ANKS1B: variants seen among roughly 807,000 people sequenced by gnomAD.
ANKS1B encodes the protein ankyrin repeat and sterile alpha motif domain-containing protein 1B.
ANKS1B carries 36 observed loss-of-function variants against 148.3 expected under a neutral mutation model. The observed-to-expected ratio is 0.24, with a 90% CI of 0.19 to 0.32. The LOEUF is 0.32. Among genes scored for constraint, ANKS1B ranks in the 10% least tolerant of loss-of-function variants. The probability of loss-of-function intolerance (pLI) is 1.00; values close to 1 mark genes in which losing one functional copy is unlikely to be tolerated. For missense variants in ANKS1B, 1,157 were observed against 1,542.6 expected, an observed-to-expected ratio of 0.75 and a Z score of 4.19; for synonymous variants, 542 against 560.8, an observed-to-expected ratio of 0.97 and a Z score of 0.47.
At chr12:99,502,029 CA>C (rs1009069997) in intron 10 of ANKS1B, among the ~76,000 whole-genome samples, 1 of 152,030 alleles carries the variant, frequency 6.6e-6, no homozygotes, top group Non-Finnish European at 1.5e-5. Flanking sequence ...ATGTCATTTT[CA>C]TCCTTGTATC....
intron 9 of ANKS1B, among the ~76,000 whole-genome samples, chr12:99,623,983 T>G (rs2098084632): frequency 6.6e-6 from 1 of 152,042 alleles, no homozygotes; most frequent in Non-Finnish European, 1.5e-5. Flanking sequence ...GTTGGATACA[T>G]CTTATTACCC....
intron 9 of ANKS1B, among the ~76,000 whole-genome samples, chr12:99,557,381 G>A (rs892102340): frequency 6.6e-6 from 1 of 151,634 alleles, no homozygotes; most frequent in Non-Finnish European, 1.5e-5. Context: ...CTTTATTTTT[G>A]TTTGAATTAG....
At chr12:98,740,007 T>G (rs2097790194), downstream of ANKS1B, among the ~76,000 whole-genome samples, 1 of 152,148 alleles carries the variant, frequency 6.6e-6, no homozygotes, top group Non-Finnish European at 1.5e-5. Context: ...TGCTTTCTTT[T>G]GAACTATCCC....
chr12:99,704,984 C>T (rs563032248), intron 8 of ANKS1B, among the ~76,000 whole-genome samples: 3 of 152,092 alleles, frequency 2.0e-5, no homozygotes, highest in African/African-American at 7.2e-5. Flanking sequence ...AAAGTAGTTA[C>T]ATGACAAATG....
chr12:99,236,923 G>A (rs1044223884), intron 14 of ANKS1B, among the ~76,000 whole-genome samples: 1 of 152,040 alleles, frequency 6.6e-6, no homozygotes. Flanking sequence ...CACACAGAGG[G>A]GAACAACACA....
intron 14 of ANKS1B, among the ~76,000 whole-genome samples, chr12:99,225,857 G>A (rs2153944009): frequency 6.6e-6 from 1 of 152,292 alleles, no homozygotes; most frequent in African/African-American, 2.4e-5. Context: ...ACAGCATATT[G>A]TGGGACTTCA....
intron 17 of ANKS1B, among the ~76,000 whole-genome samples, chr12:98,941,898 G>T (rs1232425006): frequency 2.6e-5 from 4 of 152,182 alleles, no homozygotes; most frequent in Non-Finnish European, 2.9e-5. Context: ...AACGTAAACA[G>T]CCAAAACTGT....
rs1565925984 is a variant in ANKS1B at position 98,744,147 on chromosome 12, G to GTGTT, written c.*1588_*1591dup. 9 of 985,538 alleles carry GTGTT rather than the reference G, an allele frequency of 9.1e-6. No individual in the cohort carries two copies. The South Asian group carries it at 3.3e-4, about 36-fold the overall frequency. 61.0% of individuals were successfully genotyped at this position (985,538 alleles called of 1,614,324 possible). On this transcript the variant is annotated 3_prime_UTR_variant, in exon 27 of 27. Coordinates refer to ENST00000683438, the MANE Select transcript of ANKS1B (RefSeq NM_001352186.2). ...AATTGCCTCCTGGTACCATATTTTAGTGTTATTTAACTCTCATTTTGCTAC... is the reference window on the plus strand; with the variant it reads ...AATTGCCTCCTGGTACCATATTTTAGTGTTTGTTATTTAACTCTCATTTTGCTAC...
At chr12:99,201,435 T>C (rs2082057142) in intron 14 of ANKS1B, among the ~76,000 whole-genome samples, 1 of 152,162 alleles carries the variant, frequency 6.6e-6, no homozygotes, top group African/African-American at 2.4e-5. Flanking sequence ...CTAAGGAACA[T>C]ACTGTGTTAT....
intron 1 of ANKS1B, among the ~76,000 whole-genome samples, chr12:99,928,266 A>ATTTTT (rs1355468782): frequency 3.7e-5 from 3 of 81,094 alleles, no homozygotes; most frequent in Admixed American, 1.0e-4. Flanking sequence ...ATTTTATTTT[A>ATTTTT]TTTTATTTTT....
intron 17 of ANKS1B, among the ~76,000 whole-genome samples, chr12:99,026,293 G>A (rs901673941): frequency 6.6e-6 from 1 of 152,152 alleles, no homozygotes; most frequent in African/African-American, 2.4e-5. Context: ...CTGAACAGAG[G>A]CTGAGAAGAC....
intron 1 of ANKS1B, among the ~76,000 whole-genome samples, chr12:99,949,465 C>A (rs2095157571): frequency 6.6e-6 from 1 of 152,032 alleles, no homozygotes; most frequent in South Asian, 2.1e-4. Flanking sequence ...AGATTGGATG[C>A]ACATTCTGGA....
intron 14 of ANKS1B, among the ~76,000 whole-genome samples, chr12:99,218,122 G>A (rs2084518554): frequency 1.3e-5 from 2 of 152,040 alleles, no homozygotes; most frequent in Non-Finnish European, 2.9e-5. Context: ...ATTAACACCA[G>A]GATGCTAATA....
At chr12:99,088,936 CCTGTGTTCCAGTGATT>C (rs2053043110) in intron 15 of ANKS1B, among the ~76,000 whole-genome samples, 1 of 131,712 alleles carries the variant, frequency 7.6e-6, no homozygotes, top group African/African-American at 2.8e-5. Flanking sequence ...ACCTCTGTCT[CCTGTGTTCCAGTGATT>C]CTCATGCCTC....
At chr12:99,678,548 T>C (rs2153479206) in intron 8 of ANKS1B, among the ~76,000 whole-genome samples, 1 of 152,240 alleles carries the variant, frequency 6.6e-6, no homozygotes, top group South Asian at 2.1e-4. Flanking sequence ...TCCTACCTGT[T>C]TACTAAGAGA....
intron 15 of ANKS1B, among the ~76,000 whole-genome samples, chr12:99,125,437 T>G (rs1204136087): frequency 3.9e-5 from 6 of 152,184 alleles, no homozygotes; most frequent in Non-Finnish European, 8.8e-5. Flanking sequence ...CCAGGGCTCT[T>G]TTCTGGGATC....
chr12:99,737,257 T>A (rs1340983380), intron 8 of ANKS1B, among the ~76,000 whole-genome samples: 1 of 152,096 alleles, frequency 6.6e-6, no homozygotes, highest in East Asian at 1.9e-4. Context: ...ACAGCACTAT[T>A]CACAACAGCA....
At chr12:98,814,539 A>G (rs985962198) in intron 19 of ANKS1B, among the ~76,000 whole-genome samples, 2 of 152,196 alleles carry the variant, frequency 1.3e-5, no homozygotes, top group Non-Finnish European at 2.9e-5. Context: ...AAGATTCCTC[A>G]TATTTCCTGA....
intron 25 of ANKS1B, among the ~76,000 whole-genome samples, chr12:98,759,459 G>A (rs1307868330): frequency 1.3e-5 from 2 of 152,080 alleles, no homozygotes; most frequent in African/African-American, 2.4e-5. Context: ...CTGTCCTCCC[G>A]CATCCTTGTC....
Sources: allele counts gnomAD v4.1 joint callset (sites outside exome capture counted in the v4.1 genomes callset), GRCh38; gene constraint gnomAD v4.1.1; transcripts MANE v1.5; gene names NCBI Gene and HGNC (gene_info 2026-07-23, HGNC 2026-07-21).